Variants in RBPJ observed in about 807,000 individuals in gnomAD.
RBPJ encodes the protein recombination signal binding protein for immunoglobulin kappa J region, also known as recombining binding protein suppressor of hairless.
A neutral mutation model predicts 67.8 loss-of-function variants in RBPJ; 9 were observed. The ratio of observed to expected loss-of-function variants is 0.13; its 90% confidence interval spans 0.08 to 0.23. RBPJ has a LOEUF of 0.23. RBPJ is among the 10% of genes least tolerant of loss of function. The probability of loss-of-function intolerance (pLI) is 1.00; values close to 1 mark genes in which losing one functional copy is unlikely to be tolerated. For synonymous variants in RBPJ, 198 were observed against 203.3 expected, an observed-to-expected ratio of 0.97 and a Z score of 0.22; for missense variants, 305 against 595.6, an observed-to-expected ratio of 0.51 and a Z score of 5.08.
chr4:26,279,035 A>G (rs1721171613), intron 1 of RBPJ, among the ~76,000 whole-genome samples: 1 of 152,220 alleles, frequency 6.6e-6, no homozygotes. Flanking sequence ...AGAAAATAAC[A>G]GTAGCTATTT....
intron 1 of RBPJ, among the ~76,000 whole-genome samples, chr4:26,210,751 C>CCTTCTTTCCTTCTTTT (rs1718380477): frequency 9.5e-6 from 1 of 105,508 alleles, no homozygotes; most frequent in African/African-American, 3.8e-5. Context: ...TTCCTTCTTT[C>CCTTCTTTCCTTCTTTT]CTTCTTTCTT....
the RBPJ span, among the ~76,000 whole-genome samples, chr4:26,141,145 T>C: frequency 6.6e-6 from 1 of 152,226 alleles, no homozygotes; most frequent in East Asian, 1.9e-4. Flanking sequence ...ACCTACTTTC[T>C]GGGCTGTGCT....
chr4:26,371,252 CATA>C (rs1192150501), intron 1 of RBPJ, among the ~76,000 whole-genome samples: 1 of 151,766 alleles, frequency 6.6e-6, no homozygotes, highest in African/African-American at 2.4e-5. Context: ...GATAAAATTC[CATA>C]ATAATCTTTT....
the RBPJ span, among the ~76,000 whole-genome samples, chr4:26,157,270 A>G: frequency 2.6e-5 from 4 of 152,228 alleles, no homozygotes; most frequent in East Asian, 7.7e-4. Context: ...CACCTCTCCA[A>G]AGAATTTTTT....
At chr4:26,124,659 C>G in the RBPJ span, among the ~76,000 whole-genome samples, 2 of 151,704 alleles carry the variant, frequency 1.3e-5, no homozygotes, top group Admixed American at 1.3e-4. Flanking sequence ...TAAGGAATCT[C>G]CACACTTTTT....
chr4:26,160,776 A>T (rs1716063575), upstream of RBPJ, among the ~76,000 whole-genome samples: 1 of 152,158 alleles, frequency 6.6e-6, no homozygotes, highest in Non-Finnish European at 1.5e-5. Flanking sequence ...ATGGCATTTC[A>T]TTGCCTTTGT....
intron 1 of RBPJ, among the ~76,000 whole-genome samples, chr4:26,307,939 C>T (rs1722289570): frequency 6.6e-6 from 1 of 152,132 alleles, no homozygotes; most frequent in African/African-American, 2.4e-5. Context: ...CAGGATAATA[C>T]GAGTTATAAT....
chr4:26,299,454 T>C (rs1351932117), intron 1 of RBPJ, among the ~76,000 whole-genome samples: 1 of 152,122 alleles, frequency 6.6e-6, no homozygotes, highest in East Asian at 1.9e-4. Context: ...AATGTTTCAG[T>C]TTCAGTTTTC....
rs182483230 is a variant in RBPJ, at chr4:26,247,432, C to T, written c.-167+83818C>T. Among the ~76,000 whole-genome samples, 41 of 151,466 alleles carry T rather than the reference C, an allele frequency of 2.7e-4. No individual in the cohort carries two copies. In the East Asian group the frequency reaches 7.6e-3, roughly 28 times the overall value. On this transcript the variant is annotated intron_variant, in intron 1 of 4. Transcript: ENST00000512351. ...ACTTTTTTTTTTGGGTGGAGGGGGACGGAGTTTCGCTCTTGTTGCCCAGGC... is the reference window on the plus strand; with the variant it reads ...ACTTTTTTTTTTGGGTGGAGGGGGATGGAGTTTCGCTCTTGTTGCCCAGGC...
intron 1 of RBPJ, among the ~76,000 whole-genome samples, chr4:26,170,214 T>C (rs1341421916): frequency 6.6e-6 from 1 of 152,178 alleles, no homozygotes; most frequent in East Asian, 1.9e-4. Flanking sequence ...TTCGGCCATC[T>C]TGGCTTCTCT....
intron 1 of RBPJ, among the ~76,000 whole-genome samples, chr4:26,217,885 G>C (rs151226236): frequency 7.3e-4 from 111 of 152,296 alleles, no homozygotes; most frequent in African/African-American, 2.5e-3. Context: ...AGCTCCTACA[G>C]GGCTTCGCAA....
In RBPJ at chr4:26,432,046, A is replaced by G. The variant is rs2109848327; in HGVS notation, c.*1039A>G. On this transcript the variant is annotated 3_prime_UTR_variant, in exon 11 of 11. Coordinates refer to ENST00000355476, the MANE Select transcript of RBPJ (RefSeq NM_015874.6). ...CCTCCTAATCTTGTACATAACTTGT[A>G]TTATGTGTAAGTTAAACATTTTATT... 1 of 152,242 alleles carries G rather than the reference A, an allele frequency of 6.6e-6. No homozygotes were observed. Among genetic ancestry groups the G allele is most frequent in the South Asian group, 2.1e-4 (1 of 4,818 alleles). 9.4% of individuals were successfully genotyped at this position (152,242 alleles called of 1,614,324 possible).
At chr4:26,237,004 C>A (rs1045017073) in intron 1 of RBPJ, among the ~76,000 whole-genome samples, 1 of 152,118 alleles carries the variant, frequency 6.6e-6, no homozygotes, top group African/African-American at 2.4e-5. Context: ...TAGGAAGAAG[C>A]CAGAAAGCCG....
chr4:26,408,317 C>G (rs1028819444), intron 3 of RBPJ, among the ~76,000 whole-genome samples: 4 of 151,804 alleles, frequency 2.6e-5, no homozygotes, highest in Non-Finnish European at 4.4e-5. Context: ...AACTTAAACA[C>G]TGATTTAGGG....
intron 1 of RBPJ, among the ~76,000 whole-genome samples, chr4:26,346,374 T>C (rs921676535): frequency 4.6e-5 from 7 of 152,216 alleles, no homozygotes; most frequent in Non-Finnish European, 1.0e-4. Flanking sequence ...GGGTCAGGTA[T>C]GACGTTTACA....
chr4:26,276,342 AC>A (rs1424380372), intron 1 of RBPJ, among the ~76,000 whole-genome samples: 1 of 152,178 alleles, frequency 6.6e-6, no homozygotes, highest in East Asian at 1.9e-4. Flanking sequence ...TTAAGTTTCT[AC>A]TTTTAAGGTC....
At chr4:26,150,988 C>A in the RBPJ span, among the ~76,000 whole-genome samples, 1 of 152,292 alleles carries the variant, frequency 6.6e-6, no homozygotes, top group East Asian at 1.9e-4. Flanking sequence ...ACATGTTCCC[C>A]TATATGAGCA....
At chr4:26,317,598 C>A (rs921251927), upstream of RBPJ, among the ~76,000 whole-genome samples, 14 of 152,196 alleles carry the variant, frequency 9.2e-5, no homozygotes, top group Non-Finnish European at 1.2e-4. Context: ...GAAGGGAGGA[C>A]CAGTTAGGGA....
chr4:26,107,692 G>T, the RBPJ span, among the ~76,000 whole-genome samples: 1 of 152,224 alleles, frequency 6.6e-6, no homozygotes. Context: ...GAGGTCAGAA[G>T]TTCGAGACCA....
Sources: gnomAD v4.1 joint callset for allele counts (sites outside exome capture counted in the v4.1 genomes callset) on GRCh38, gnomAD v4.1.1 for gene constraint, MANE v1.5 for transcripts, NCBI Gene and HGNC (gene_info 2026-07-23, HGNC 2026-07-21) for gene names.